The following ANKFY1 variants were observed in gnomAD, a reference collection of about 807,000 sequenced individuals.
ANKFY1 encodes the protein ankyrin repeat and FYVE domain containing 1.
ANKFY1 carries 47 observed loss-of-function variants against 128.3 expected under a neutral mutation model. That is an observed-to-expected ratio of 0.37 (90% CI 0.29 to 0.47). The LOEUF is 0.47. Among genes scored for constraint, ANKFY1 ranks in the 20% least tolerant of loss-of-function variants. The pLI, the probability that ANKFY1 is intolerant of heterozygous loss-of-function variation, is 1.00. For missense variants in ANKFY1, 1,222 were observed against 1,510.6 expected, an observed-to-expected ratio of 0.81 and a Z score of 3.17; for synonymous variants, 553 against 601.6, an observed-to-expected ratio of 0.92 and a Z score of 1.18.
At chr17:4,214,032 T>G (rs924595993) in intron 4 of ANKFY1, among the ~76,000 whole-genome samples, 3 of 152,224 alleles carry the variant, frequency 2.0e-5, no homozygotes, top group Non-Finnish European at 4.4e-5. Context: ...TCAGAAGCTT[T>G]TACCATTTTT....
At chr17:4,231,664 G>A (rs1188437582) in intron 3 of ANKFY1, among the ~76,000 whole-genome samples, 1 of 152,010 alleles carries the variant, frequency 6.6e-6, no homozygotes, top group Non-Finnish European at 1.5e-5. Context: ...AATCAAGGCT[G>A]TGTGCAGTGC....
At chr17:4,224,379 C>T (rs547377185) in intron 3 of ANKFY1, among the ~76,000 whole-genome samples, 12 of 152,026 alleles carry the variant, frequency 7.9e-5, no homozygotes, top group African/African-American at 2.2e-4. Flanking sequence ...CGCACCACCA[C>T]GCCCGACTAA....
intron 11 of ANKFY1, chr17:4,186,777 G>C: frequency 1.0e-6 from 1 of 975,412 alleles, no homozygotes; most frequent in Non-Finnish European, 1.2e-6. Context: ...ATTCTCCTTG[G>C]GTGTGCTGAT....
At chr17:4,172,438 C>G (rs2143000404) in intron 22 of ANKFY1, 118 bp downstream of exon 22, 1 of 1,417,136 alleles carries the variant, frequency 7.1e-7, no homozygotes, top group Admixed American at 2.1e-5. Flanking sequence ...CCGGAGGGCC[C>G]AACAGAACTG....
At position 4,208,147 on chromosome 17, in the gene ANKFY1, G is replaced by A; in HGVS notation, c.583-65C>T. On this transcript the variant is annotated intron_variant, in intron 5 of 24. Coordinates refer to ENST00000341657, the MANE Select transcript of ANKFY1 (RefSeq NM_001330063.2). ...AGGCAATGAATCCAACCACCATTTA[G>A]CAAGCCTCTCAAATGCATCAGTCAG... 3 of 1,493,298 alleles carry A rather than the reference G, an allele frequency of 2.0e-6. No individual in the cohort carries two copies. In the East Asian group the frequency reaches 7.3e-5, roughly 36 times the overall value. 92.5% of individuals were successfully genotyped at this position (1,493,298 alleles called of 1,614,324 possible).
chr17:4,249,883 C>T (rs576195691), intron 1 of ANKFY1, among the ~76,000 whole-genome samples: 79 of 137,542 alleles, frequency 5.7e-4, no homozygotes, highest in Admixed American at 1.1e-3. Context: ...CCTCCCTAAC[C>T]TTCTGAAACT....
rs1162592221 is a variant in ANKFY1, at chr17:4,195,854, C to T, written c.1104-383G>A. Among the ~76,000 whole-genome samples the T allele has an allele frequency of 2.6e-5, 4 of 152,098 alleles. No individual in the cohort carries two copies. In the East Asian group the frequency reaches 7.7e-4, roughly 29 times the overall value. On this transcript the variant is annotated intron_variant, in intron 8 of 24. Transcript: ENST00000341657. ...CTCCCCCATAATCTTCTATTCTTCTCAAACACACTCAGAGCAGCAACAGGA... is the reference window on the plus strand; with the variant it reads ...CTCCCCCATAATCTTCTATTCTTCTTAAACACACTCAGAGCAGCAACAGGA...
intron 8 of ANKFY1, 95 bp from the exon 9 acceptor site, chr17:4,195,566 C>T (rs936337124): frequency 2.0e-5 from 18 of 916,502 alleles, no homozygotes; most frequent in Non-Finnish European, 2.1e-5. Context: ...AGAATCACCA[C>T]CCGCAAGAAA....
rs35710004 is a variant in ANKFY1, at chr17:4,225,055, TA to T, written c.323-7938del. Among the ~76,000 whole-genome samples the T allele has an allele frequency of 1.9e-4, 28 of 148,002 alleles. No individual in the cohort carries two copies. In the East Asian group the frequency reaches 3.9e-3, roughly 21 times the overall value. Reference sequence around the variant, plus strand: ...AAAATTAAAGGATTTGTTTTATATTTAAAAAAAAAAACTTTTTAGGCTGGGT... The same window carrying T: ...AAAATTAAAGGATTTGTTTTATATTTAAAAAAAAAACTTTTTAGGCTGGGT... On this transcript the variant is annotated intron_variant, in intron 3 of 24. Coordinates refer to ENST00000341657, the MANE Select transcript of ANKFY1 (RefSeq NM_001330063.2).
At chr17:4,257,403 CAG>C (rs1968186343) in intron 1 of ANKFY1, among the ~76,000 whole-genome samples, 1 of 152,194 alleles carries the variant, frequency 6.6e-6, no homozygotes, top group Non-Finnish European at 1.5e-5. Flanking sequence ...CCATGAGTCT[CAG>C]AATAAAATCC....
intron 24 of ANKFY1, 193 bp from the exon 25 acceptor site, chr17:4,168,104 A>T: frequency 1.8e-6 from 1 of 557,446 alleles, no homozygotes; most frequent in Non-Finnish European, 3.1e-6. Flanking sequence ...ACTCTAGTCA[A>T]TCATCAAGTT....
At position 4,173,456 on chromosome 17, in the gene ANKFY1, A is replaced by G. The variant is rs1210495314; in HGVS notation, c.2924-12T>C. On this transcript the variant is annotated splice_polypyrimidine_tract_variant and intron_variant, in intron 20 of 24. Coordinates refer to ENST00000341657, the MANE Select transcript of ANKFY1 (RefSeq NM_001330063.2). ...AGCAAGATGAAGAGCTGGGAAGTAA[A>G]TCCTCTTACTATGCAAGCCCAGAAG... 6.2e-7 allele frequency: 1 copy of G among 1,612,944 alleles called. No homozygotes were observed. Among genetic ancestry groups the G allele is most frequent in the Non-Finnish European group, 8.5e-7 (1 of 1,179,048 alleles).
rs375809030 is a variant in ANKFY1, at chr17:4,173,324, G to A, written c.3014+30C>T. ...AGCTCTGAGCAGCAGGCCAGGCGCC[G>A]CGGGGCCTACTCGGGCCCAACGCGC... On this transcript the variant is annotated intron_variant, in intron 21 of 24. Transcript: ENST00000341657. The A allele has an allele frequency of 2.0e-5, 32 of 1,605,404 alleles. No individual in the cohort carries two copies. In the Middle Eastern group the frequency reaches 5.2e-4, roughly 26 times the overall value.
At chr17:4,243,269 T>C (rs752182174) in intron 1 of ANKFY1, among the ~76,000 whole-genome samples, 2 of 152,116 alleles carry the variant, frequency 1.3e-5, no homozygotes, top group African/African-American at 2.4e-5. Flanking sequence ...GGTTTCACCA[T>C]GTTGGCCAGG....
intron 3 of ANKFY1, chr17:4,222,515 T>A (rs2060343585): frequency 1.0e-6 from 1 of 979,148 alleles, no homozygotes. Context: ...CAGGGAGAAG[T>A]TCTACGCACT....
rs2059583047 is a variant in ANKFY1, at chr17:4,184,887, G to A, written c.1630C>T (p.Gln544Ter). Residue 544 changes from glutamine (Q) to a stop codon, truncating the protein, a stop_gained, in exon 12 of 25, where the codon CAG becomes TAG. Coordinates refer to ENST00000341657, the MANE Select transcript of ANKFY1 (RefSeq NM_001330063.2). LOFTEE classifies it high-confidence loss of function. ...LTSLADSVHL[Q>*]TPLHMAIAYN... ...GCGATCGCCATGTGCAGTGGCGTCT[G>A]CAGATGGACGCTGTCCGCCAAGCTG... 1 of 1,613,916 alleles carries A rather than the reference G, an allele frequency of 6.2e-7. No homozygotes were observed. The highest frequency in any genetic ancestry group is 1.1e-5 in the South Asian group (1 of 91,092).
intron 7 of ANKFY1, 115 bp from the exon 8 acceptor site, chr17:4,197,692 T>C (rs2059851612): frequency 2.2e-6 from 2 of 924,866 alleles, no homozygotes; most frequent in East Asian, 5.3e-5. Context: ...TAGATGTGTC[T>C]GAAGGAACCT....
intron 1 of ANKFY1, among the ~76,000 whole-genome samples, chr17:4,258,242 A>T (rs1968220678): frequency 6.6e-6 from 1 of 152,192 alleles, no homozygotes. Context: ...TTTCAGAAGT[A>T]GGGCCGGGCG....
In ANKFY1 at chr17:4,194,933, G is replaced by A. The variant is rs768864879; in HGVS notation, c.1372+45C>T. On this transcript the variant is annotated intron_variant, in intron 10 of 24. Coordinates refer to ENST00000341657, the MANE Select transcript of ANKFY1 (RefSeq NM_001330063.2). ...AGGCATTTACATGCCATTTCCTGGC[G>A]CCTGCAGACCCCAGCGTCGCCCCTT... 89 of 1,600,206 alleles carry A rather than the reference G, an allele frequency of 5.6e-5. No individual in the cohort carries two copies. Among genetic ancestry groups the A allele is most frequent in the African/African-American group, 1.7e-4 (13 of 74,526 alleles).
Sources: allele counts gnomAD v4.1 joint callset (sites outside exome capture counted in the v4.1 genomes callset), GRCh38; gene constraint gnomAD v4.1.1; transcripts MANE v1.5; gene names NCBI Gene and HGNC (gene_info 2026-07-23, HGNC 2026-07-21).